GNE: variants seen among roughly 807,000 people sequenced by gnomAD.
The protein encoded by GNE is glucosamine (UDP-N-acetyl)-2-epimerase/N-acetylmannosamine kinase.
GNE carries 41 observed loss-of-function variants against 61.8 expected under a neutral mutation model. The ratio of observed to expected loss-of-function variants is 0.66; its 90% CI spans 0.52 to 0.86. The LOEUF (loss-of-function observed/expected upper bound fraction) is 0.86. Among genes scored for constraint, GNE ranks in the 40% least tolerant of loss-of-function variants. GNE has a pLI of 0.00. For synonymous variants in GNE, 264 were observed against 326.4 expected (o/e 0.81, Z 2.06); for missense variants, 608 against 909.1 (o/e 0.67, Z 4.26).
chr9:36,244,959 C>A (rs1045961006), intron 3 of GNE, among the ~76,000 whole-genome samples: 1 of 147,574 alleles, frequency 6.8e-6, no homozygotes, highest in Non-Finnish European at 1.5e-5. Context: ...AAAAAAATGA[C>A]CATTTTGCCA....
intron 3 of GNE, among the ~76,000 whole-genome samples, chr9:36,240,544 G>A (rs1829593388): frequency 6.6e-6 from 1 of 152,104 alleles, no homozygotes; most frequent in Non-Finnish European, 1.5e-5. Flanking sequence ...ATATGTTGTT[G>A]GATTTGATTA....
upstream of GNE, chr9:36,263,176 C>CTTT (rs11380173): frequency 1.4e-5 from 2 of 145,472 alleles, no homozygotes; most frequent in South Asian, 2.2e-4. Context: ...TCAGCCATCA[C>CTTT]TTTTTTTTTT....
intron 1 of GNE, among the ~76,000 whole-genome samples, chr9:36,257,861 C>A (rs939930396): frequency 3.3e-5 from 4 of 120,098 alleles, no homozygotes; most frequent in Admixed American, 2.7e-4. Flanking sequence ...GGGGAATTAA[C>A]GTTTCTCAAA....
At chr9:36,270,015 G>A (rs577802702) in intron 1 of GNE, among the ~76,000 whole-genome samples, 1 of 152,154 alleles carries the variant, frequency 6.6e-6, no homozygotes, top group South Asian at 2.1e-4. Flanking sequence ...AGCTTGTAGT[G>A]CAGTGGTATG....
intron 3 of GNE, among the ~76,000 whole-genome samples, chr9:36,245,485 G>A (rs920094744): frequency 2.0e-5 from 3 of 151,972 alleles, no homozygotes; most frequent in Admixed American, 2.0e-4. Context: ...AGGAGTTCGA[G>A]ACCAGCCTGG....
chr9:36,228,610 A>G (rs1404179320), intron 6 of GNE, among the ~76,000 whole-genome samples: 4 of 152,020 alleles, frequency 2.6e-5, no homozygotes, highest in African/African-American at 7.2e-5. Flanking sequence ...CTTGCCCAAC[A>G]TGGTGAAACC....
chr9:36,265,395 G>A (rs1264561294), intron 1 of GNE: 2 of 456,588 alleles, frequency 4.4e-6, no homozygotes, highest in Admixed American at 4.7e-5. Context: ...CGGTAACATT[G>A]TGATGTCTGC....
rs1321368213 is a variant in GNE, at chr9:36,218,539, GCCTCCTACC to G, written c.1817-249_1817-241del. On this transcript the variant is annotated intron_variant, in intron 10 of 11. Coordinates refer to ENST00000642385, the MANE Select transcript of GNE (RefSeq NM_005476.7). This position sits in a 1 kb window ranked among gnomAD's most constrained non-coding sequence, Gnocchi z 4.1. ...TGGAAAAACCTCAAGTCTGACGACAGCCTCCTACCCCTCTGGCTCCCTCACTTCTCACTT... is the reference window on the plus strand; with the variant it reads ...TGGAAAAACCTCAAGTCTGACGACAGCCTCTGGCTCCCTCACTTCTCACTT... Among the ~76,000 whole-genome samples the G allele has an allele frequency of 6.6e-6, 1 of 152,192 alleles. No individual in the cohort carries two copies. The highest frequency in any genetic ancestry group is 1.5e-5 in the Non-Finnish European group (1 of 68,042).
At chr9:36,274,430 C>T (rs1287468598) in intron 1 of GNE, among the ~76,000 whole-genome samples, 1 of 152,072 alleles carries the variant, frequency 6.6e-6, no homozygotes, top group Non-Finnish European at 1.5e-5. Flanking sequence ...CGGTGCTTTC[C>T]TGGCCACGTA....
At chr9:36,261,461 G>A (rs532683394), upstream of GNE, among the ~76,000 whole-genome samples, 4 of 151,390 alleles carry the variant, frequency 2.6e-5, no homozygotes, top group South Asian at 8.3e-4. Flanking sequence ...GCCGAGGCAG[G>A]AGAATAAATG....
chr9:36,222,637 A>G (rs574273579), intron 9 of GNE, 140 bp downstream of exon 9: 18 of 775,236 alleles, frequency 2.3e-5, no homozygotes, highest in African/African-American at 1.9e-4. Flanking sequence ...TGCTCAGAAA[A>G]GGCCACATGT....
chr9:36,242,189 A>G (rs900050857), intron 3 of GNE, among the ~76,000 whole-genome samples: 9 of 152,088 alleles, frequency 5.9e-5, no homozygotes, highest in African/African-American at 2.2e-4. Flanking sequence ...GTTGCATATC[A>G]AGAAGCAGGA....
At position 36,276,831 on chromosome 9, in the gene GNE, T is replaced by C. The variant is rs185045598; in HGVS notation, c.51+63A>G. On this transcript the variant is annotated intron_variant, in intron 1 of 11. Transcript: ENST00000396594. ...TCTTCCTCTTTGTAATTTTCCTTTT[T>C]CCCCCCTTTTTTTCTGATTGCAATT... The C allele has an allele frequency of 2.2e-3, 2,785 of 1,243,442 alleles. 11 individuals are homozygous for C. Among genetic ancestry groups the C allele is most frequent in the Middle Eastern group, 5.8e-3 (31 of 5,356 alleles). 77.0% of individuals were successfully genotyped at this position (1,243,442 alleles called of 1,614,324 possible). A position where few individuals can be genotyped will look rare whatever the true frequency, so the allele number is the denominator to read the frequency against.
intron 1 of GNE, among the ~76,000 whole-genome samples, chr9:36,270,831 C>T (rs1831002643): frequency 6.6e-6 from 1 of 152,154 alleles, no homozygotes; most frequent in South Asian, 2.1e-4. Context: ...AGGAGGATTT[C>T]TTGAGCCCAG....
chr9:36,270,516 CTTTTTTTTTTTT>C (rs1172459956), intron 1 of GNE, among the ~76,000 whole-genome samples: 3 of 131,680 alleles, frequency 2.3e-5, no homozygotes, highest in Non-Finnish European at 3.2e-5. Flanking sequence ...GGATTTCTTT[CTTTTTTTTTTTT>C]TTTTTTTGAG....
At chr9:36,264,696 C>T (rs1830711535) in intron 1 of GNE, among the ~76,000 whole-genome samples, 1 of 152,158 alleles carries the variant, frequency 6.6e-6, no homozygotes, top group Non-Finnish European at 1.5e-5. Flanking sequence ...GTGACCGCAT[C>T]CACCTTTAAA....
At chr9:36,236,701 T>C in intron 4 of GNE, 131 bp downstream of exon 4, 1 of 823,008 alleles carries the variant, frequency 1.2e-6, no homozygotes, top group Non-Finnish European at 2.0e-6. Context: ...CCTTTGAAAA[T>C]TGGAATGCAT....
intron 1 of GNE, among the ~76,000 whole-genome samples, chr9:36,255,691 GA>G (rs996293024): frequency 3.9e-5 from 6 of 152,158 alleles, no homozygotes; most frequent in African/African-American, 1.4e-4. Flanking sequence ...TGAACATTAT[GA>G]AGTAGGTGCA....
At chr9:36,229,189 T>C in intron 5 of GNE, 81 bp from the exon 6 acceptor site, 1 of 840,244 alleles carries the variant, frequency 1.2e-6, no homozygotes, top group Non-Finnish European at 2.1e-6. Context: ...TGTACTATGC[T>C]CATAATTAGA....
Sources: allele counts gnomAD v4.1 joint callset (sites outside exome capture counted in the v4.1 genomes callset), GRCh38; gene constraint gnomAD v4.1.1; non-coding constraint Gnocchi (gnomAD v3.1); transcripts MANE v1.5; gene names NCBI Gene and HGNC (gene_info 2026-07-23, HGNC 2026-07-21).